CCDC141: variants seen among roughly 807,000 people sequenced by gnomAD.
CCDC141 encodes coiled-coil domain-containing protein 141.
CCDC141 carries 168 observed loss-of-function variants against 181.0 expected under a neutral mutation model. The observed-to-expected ratio is 0.93, with a 90% CI of 0.82 to 1.05. CCDC141 has a LOEUF of 1.05. Ranked by LOEUF, CCDC141 falls within the 50% of genes least tolerant of loss-of-function variation. CCDC141 has a pLI of 0.00. For missense variants in CCDC141, 1,902 were observed against 1,788.5 expected (o/e 1.06, Z -1.14); for synonymous variants, 666 against 642.3 (o/e 1.04, Z -0.56).
chr2:178,892,086 T>C (rs567447488), intron 8 of CCDC141, among the ~76,000 whole-genome samples: 2 of 152,198 alleles, frequency 1.3e-5, no homozygotes, highest in Admixed American at 6.6e-5. Flanking sequence ...CAGTGTCCAG[T>C]AGTTTTAAAC....
At chr2:179,016,183 T>G (rs1386582404) in intron 2 of CCDC141, among the ~76,000 whole-genome samples, 2 of 138,396 alleles carry the variant, frequency 1.4e-5, no homozygotes, top group African/African-American at 5.3e-5. Flanking sequence ...CAATGGACTT[T>G]GAGGACTTGG....
At chr2:179,030,081 T>C (rs1454684721) in intron 2 of CCDC141, among the ~76,000 whole-genome samples, 5 of 152,134 alleles carry the variant, frequency 3.3e-5, no homozygotes, top group Non-Finnish European at 7.4e-5. Flanking sequence ...ACACTGAAGT[T>C]ATTAGAGATC....
chr2:178,983,169 C>G (rs1056224448), intron 2 of CCDC141, among the ~76,000 whole-genome samples: 3 of 152,182 alleles, frequency 2.0e-5, no homozygotes, highest in African/African-American at 4.8e-5. Context: ...TGACCCCCGA[C>G]CAGCCTAACT....
At chr2:179,004,885 G>A (rs2042080438) in intron 2 of CCDC141, among the ~76,000 whole-genome samples, 1 of 152,086 alleles carries the variant, frequency 6.6e-6, no homozygotes, top group Non-Finnish European at 1.5e-5. Context: ...GCACACGCCA[G>A]TGTGCCTGAC....
downstream of CCDC141, among the ~76,000 whole-genome samples, chr2:178,829,514 G>C (rs186761915): frequency 1.3e-4 from 20 of 152,272 alleles, no homozygotes; most frequent in Admixed American, 3.9e-4. Context: ...CATGGAAAAA[G>C]GCCAAAATCA....
At chr2:178,908,304 C>T (rs566081971) in intron 7 of CCDC141, among the ~76,000 whole-genome samples, 13 of 152,264 alleles carry the variant, frequency 8.5e-5, no homozygotes, top group African/African-American at 2.2e-4. Context: ...AAGTGATTCT[C>T]GTGCCTCAGC....
intron 2 of CCDC141, among the ~76,000 whole-genome samples, chr2:179,010,053 A>C (rs1319459323): frequency 6.6e-6 from 1 of 152,216 alleles, no homozygotes; most frequent in Non-Finnish European, 1.5e-5. Context: ...AAAGAAATTC[A>C]GAGCTCAAAG....
intron 4 of CCDC141, among the ~76,000 whole-genome samples, chr2:178,964,751 T>A (rs1690550432): frequency 6.6e-6 from 1 of 152,230 alleles, no homozygotes. Context: ...TACAAAGTGA[T>A]GTGTTTTTCC....
At chr2:178,885,882 A>C (rs1686861062) in intron 10 of CCDC141, among the ~76,000 whole-genome samples, 1 of 152,200 alleles carries the variant, frequency 6.6e-6, no homozygotes. Context: ...GAATGAAGGT[A>C]ACTTTAATTT....
chr2:179,032,899 A>G (rs376190092), intron 2 of CCDC141, among the ~76,000 whole-genome samples: 9 of 151,776 alleles, frequency 5.9e-5, no homozygotes, highest in Admixed American at 2.0e-4. Flanking sequence ...CCAGAAGAGT[A>G]ATAGCTAGAT....
At chr2:178,943,651 C>A (rs1689611986) in intron 6 of CCDC141, among the ~76,000 whole-genome samples, 1 of 152,066 alleles carries the variant, frequency 6.6e-6, no homozygotes, top group East Asian at 1.9e-4. Flanking sequence ...TTCCCTAAAT[C>A]TTGATAGTGA....
At position 178,915,088 on chromosome 2, in the gene CCDC141, A is replaced by G. The variant is rs143246097; in HGVS notation, c.1092+3625T>C. Among the ~76,000 whole-genome samples the G allele has an allele frequency of 1.8e-4, 28 of 152,104 alleles. No homozygotes were observed. The South Asian group carries it at 3.5e-3, about 19-fold the overall frequency. The stretch of plus-strand genomic sequence containing the variant: ...CCTGGGAGGCTGAGGTGAGAGGATT[A>G]CCTGAGCCCCGGAGGTCAGGGCTAC... On this transcript the variant is annotated intron_variant, in intron 7 of 23. Coordinates refer to ENST00000443758, the MANE Select transcript of CCDC141 (RefSeq NM_173648.4).
chr2:178,943,930 A>G (rs1396907535), intron 6 of CCDC141, among the ~76,000 whole-genome samples: 1 of 152,214 alleles, frequency 6.6e-6, no homozygotes, highest in African/African-American at 2.4e-5. Context: ...CTTCTTGTAA[A>G]ACTGAGAAAT....
chr2:178,934,790 C>A (rs932681422), intron 6 of CCDC141, among the ~76,000 whole-genome samples: 1 of 152,156 alleles, frequency 6.6e-6, no homozygotes, highest in Non-Finnish European at 1.5e-5. Context: ...TAGCAGAGAA[C>A]ACCTGCTTTC....
chr2:178,993,202 G>A (rs1692137756), intron 2 of CCDC141, among the ~76,000 whole-genome samples: 1 of 152,070 alleles, frequency 6.6e-6, no homozygotes, highest in Non-Finnish European at 1.5e-5. Flanking sequence ...GGGGTTATTT[G>A]TTACCCTAGC....
At chr2:178,914,629 G>A (rs967959939) in intron 7 of CCDC141, among the ~76,000 whole-genome samples, 5 of 152,170 alleles carry the variant, frequency 3.3e-5, no homozygotes, top group Middle Eastern at 3.4e-3. Context: ...TTGTCAATGT[G>A]GGCAATTAAG....
intron 10 of CCDC141, among the ~76,000 whole-genome samples, chr2:178,886,263 G>A (rs1201189245): frequency 1.3e-5 from 2 of 152,072 alleles, no homozygotes; most frequent in Admixed American, 1.3e-4. Flanking sequence ...AGGGGTAGGA[G>A]GGAGCTGGAG....
At chr2:179,045,729 T>C (rs930793102) in intron 2 of CCDC141, among the ~76,000 whole-genome samples, 9 of 152,160 alleles carry the variant, frequency 5.9e-5, no homozygotes, top group Non-Finnish European at 1.3e-4. Context: ...TGGTATCTCA[T>C]TGTGGTTTTG....
At chr2:179,029,820 G>A (rs1399391005) in intron 2 of CCDC141, among the ~76,000 whole-genome samples, 3 of 152,010 alleles carry the variant, frequency 2.0e-5, no homozygotes, top group Non-Finnish European at 2.9e-5. Flanking sequence ...CTTTTTGCAG[G>A]CCAGTTCTAA....
Sources: gnomAD v4.1 joint callset for allele counts (sites outside exome capture counted in the v4.1 genomes callset) on GRCh38, gnomAD v4.1.1 for gene constraint, MANE v1.5 for transcripts, NCBI Gene and HGNC (gene_info 2026-07-23, HGNC 2026-07-21) for gene names.